Variants in ZNF710 observed in about 807,000 individuals in gnomAD.
The protein encoded by ZNF710 is zinc finger protein 710.
A neutral mutation model predicts 50.6 loss-of-function variants in ZNF710; 13 were observed. The ratio of observed to expected loss-of-function variants is 0.26; its 90% confidence interval spans 0.17 to 0.41. ZNF710 has a LOEUF of 0.41. Among genes scored for constraint, ZNF710 ranks in the 10% least tolerant of loss-of-function variants. The pLI is 1.00. For synonymous variants in ZNF710, 383 were observed against 397.0 expected (o/e 0.96, Z 0.42); for missense variants, 721 against 936.6 (o/e 0.77, Z 3.01).
intron 1 of ZNF710, among the ~76,000 whole-genome samples, chr15:90,036,783 G>T (rs1005834891): frequency 6.6e-6 from 1 of 151,818 alleles, no homozygotes; most frequent in Non-Finnish European, 1.5e-5. Flanking sequence ...GCATGGGATC[G>T]TGTTACTTCT....
At position 90,080,236 on chromosome 15, in the gene ZNF710, C is replaced by T. The variant is rs891441411; in HGVS notation, c.*407C>T. The stretch of plus-strand genomic sequence containing the variant: ...GACCACTTGAGCCATGTCTTTTTCA[C>T]GGCCAACTCCTGCCTCTAAGGATGT... On this transcript the variant is annotated 3_prime_UTR_variant, in exon 5 of 5. Transcript: ENST00000268154. The T allele has an allele frequency of 6.2e-5, 10 of 162,404 alleles. No homozygotes were observed. The highest frequency in any genetic ancestry group is 1.8e-4 in the South Asian group (1 of 5,626). 10.1% of individuals were successfully genotyped at this position (162,404 alleles called of 1,614,324 possible).
In ZNF710 at chr15:90,059,882, G is replaced by A. The variant is rs989603255; in HGVS notation, c.-28-7228G>A. ...TTTTCACAGCGGGTGTACAGGCCTGGAACTTCCTCTTCTCCTCCCACCTGG... is the reference window on the plus strand; with the variant it reads ...TTTTCACAGCGGGTGTACAGGCCTGAAACTTCCTCTTCTCCTCCCACCTGG... On this transcript the variant is annotated intron_variant, in intron 1 of 4. Transcript: ENST00000268154. This position sits in a 1 kb window ranked among gnomAD's most constrained non-coding sequence, Gnocchi z 4.1. 6.6e-6 allele frequency among the ~76,000 whole-genome samples: 1 copy of A among 152,188 alleles called. No individual in the cohort carries two copies. The highest frequency in any genetic ancestry group is 2.4e-5 in the African/African-American group (1 of 41,456).
intron 2 of ZNF710, among the ~76,000 whole-genome samples, chr15:90,072,713 G>A (rs972266866): frequency 6.6e-5 from 10 of 152,136 alleles, no homozygotes; most frequent in Non-Finnish European, 1.5e-4. Context: ...GCAGGTGCCC[G>A]GTAAATGGTT....
chr15:90,061,446 A>T (rs1900005270), intron 1 of ZNF710, among the ~76,000 whole-genome samples: 1 of 152,104 alleles, frequency 6.6e-6, no homozygotes, highest in Non-Finnish European at 1.5e-5. Context: ...TGCTGAGATT[A>T]CTGGTGTGAG....
At chr15:90,017,433 T>C (rs918133088) in intron 1 of ZNF710, among the ~76,000 whole-genome samples, 13 of 152,136 alleles carry the variant, frequency 8.5e-5, no homozygotes, top group African/African-American at 3.1e-4. Context: ...CTTTAAGAGA[T>C]ACAAAATCAT....
chr15:89,998,940 A>G (rs184055571), upstream of ZNF710, among the ~76,000 whole-genome samples: 443 of 152,310 alleles, frequency 2.9e-3, 3 homozygotes, highest in African/African-American at 0.01. Flanking sequence ...AGCAAGTGGG[A>G]GGGGCTAAAA....
chr15:90,048,201 A>C (rs1899528515), intron 1 of ZNF710, among the ~76,000 whole-genome samples: 1 of 152,248 alleles, frequency 6.6e-6, no homozygotes, highest in Admixed American at 6.5e-5. Flanking sequence ...GGCAGGGAGC[A>C]TCCCATGACT....
At chr15:90,057,323 G>T (rs1049050457) in intron 1 of ZNF710, among the ~76,000 whole-genome samples, 1 of 152,064 alleles carries the variant, frequency 6.6e-6, no homozygotes, top group Non-Finnish European at 1.5e-5. Flanking sequence ...GAGGAAGAAG[G>T]CACCTGGGGT....
At chr15:90,052,478 C>T (rs1212231554) in intron 1 of ZNF710, among the ~76,000 whole-genome samples, 2 of 152,148 alleles carry the variant, frequency 1.3e-5, no homozygotes, top group Non-Finnish European at 2.9e-5. Context: ...GTGATGTGAC[C>T]TCAGTCCTCC....
intron 1 of ZNF710, among the ~76,000 whole-genome samples, chr15:90,010,905 T>G (rs1213495847): frequency 1.3e-5 from 2 of 150,090 alleles, no homozygotes; most frequent in African/African-American, 4.9e-5. Context: ...TGAACTTCTG[T>G]TTTTTATTGT....
intron 1 of ZNF710, among the ~76,000 whole-genome samples, chr15:90,063,868 G>A (rs1052356391): frequency 1.3e-5 from 2 of 152,164 alleles, no homozygotes; most frequent in Non-Finnish European, 2.9e-5. Flanking sequence ...GCAGGGGAAA[G>A]GAGAGGGAAG....
At position 90,034,428 on chromosome 15, in the gene ZNF710, C is replaced by CTGTGTGTGTGTGTGTG. The variant is rs398028304; in HGVS notation, c.-28-32650_-28-32635dup. 2.4e-4 allele frequency among the ~76,000 whole-genome samples: 33 copies of CTGTGTGTGTGTGTGTG among 136,278 alleles called. No homozygotes were observed. Among genetic ancestry groups the CTGTGTGTGTGTGTGTG allele is most frequent in the South Asian group, 5.2e-4 (2 of 3,832 alleles). 89.4% of individuals were successfully genotyped at this position (136,278 alleles called of 152,430 possible). A position where few individuals can be genotyped will look rare whatever the true frequency, so the allele number is the denominator to read the frequency against. Reference sequence around the variant, plus strand: ...AGCTGTCCTTCCTGTTTCCAAATTCCTGTGTGTGTGTGTGTGTGTGTGTGT... The same window carrying CTGTGTGTGTGTGTGTG: ...AGCTGTCCTTCCTGTTTCCAAATTCCTGTGTGTGTGTGTGTGTGTGTGTGTGTGTGTGTGTGTGTGT... On this transcript the variant is annotated intron_variant, in intron 1 of 4. Coordinates refer to ENST00000268154, the MANE Select transcript of ZNF710 (RefSeq NM_198526.4). This position sits in a 1 kb window ranked among gnomAD's most constrained non-coding sequence, Gnocchi z 4.0.
chr15:90,010,962 A>C (rs1596263689), intron 1 of ZNF710, among the ~76,000 whole-genome samples: 1 of 118,158 alleles, frequency 8.5e-6, no homozygotes, highest in South Asian at 2.5e-4. Context: ...ACGGAGTCTC[A>C]CTCTGTTGCT....
chr15:90,021,973 T>G (rs926427241), intron 1 of ZNF710, among the ~76,000 whole-genome samples: 1 of 151,978 alleles, frequency 6.6e-6, no homozygotes, highest in African/African-American at 2.4e-5. Flanking sequence ...TCCCAGCTAC[T>G]TGGGAGGCTG....
intron 1 of ZNF710, among the ~76,000 whole-genome samples, chr15:90,053,412 G>A (rs1052664413): frequency 5.3e-5 from 8 of 151,204 alleles, no homozygotes; most frequent in African/African-American, 2.0e-4. Context: ...ACAGTGGTGT[G>A]ATCACGGCTC....
intron 1 of ZNF710, among the ~76,000 whole-genome samples, chr15:90,031,474 C>G (rs1049364189): frequency 2.0e-5 from 3 of 152,186 alleles, no homozygotes; most frequent in African/African-American, 7.2e-5. Context: ...TGTCCTGTCT[C>G]CTTTGAGGAA....
intron 1 of ZNF710, among the ~76,000 whole-genome samples, chr15:90,007,601 G>A (rs1328631895): frequency 2.0e-5 from 3 of 151,534 alleles, no homozygotes; most frequent in African/African-American, 7.3e-5. Context: ...GATATGCCAG[G>A]CATAATTGTA....
At chr15:90,026,251 A>AAAC (rs1268152862) in intron 1 of ZNF710, among the ~76,000 whole-genome samples, 4 of 117,552 alleles carry the variant, frequency 3.4e-5, no homozygotes, top group Admixed American at 8.1e-5. Context: ...AAAAAAAACA[A>AAAC]AACAACAACA....
intron 1 of ZNF710, among the ~76,000 whole-genome samples, chr15:90,050,429 C>G (rs973409677): frequency 6.6e-6 from 1 of 152,224 alleles, no homozygotes; most frequent in African/African-American, 2.4e-5. Context: ...ATGCTTCCAG[C>G]CTGGGCAGGC....
Sources: allele counts gnomAD v4.1 joint callset (sites outside exome capture counted in the v4.1 genomes callset), GRCh38; gene constraint gnomAD v4.1.1; non-coding constraint Gnocchi (gnomAD v3.1); transcripts MANE v1.5; gene names NCBI Gene and HGNC (gene_info 2026-07-23, HGNC 2026-07-21).